Variants in DENND1A observed in about 807,000 individuals in gnomAD.
DENND1A encodes the protein DENN domain containing 1A, also known as DENN domain-containing protein 1A.
DENND1A carries 51 observed loss-of-function variants against 113.7 expected under a neutral mutation model. The observed-to-expected ratio is 0.45, with a 90% CI of 0.36 to 0.57. The LOEUF is 0.57. Ranked by LOEUF, DENND1A falls within the 20% of genes least tolerant of loss-of-function variation. The pLI is 0.00. For synonymous variants in DENND1A, 565 were observed against 570.8 expected, an observed-to-expected ratio of 0.99 and a Z score of 0.14; for missense variants, 1,258 against 1,395.9, an observed-to-expected ratio of 0.90 and a Z score of 1.57.
chr9:123,636,425 T>C (rs1010756574), intron 9 of DENND1A, among the ~76,000 whole-genome samples: 1 of 152,076 alleles, frequency 6.6e-6, no homozygotes, highest in Non-Finnish European at 1.5e-5. Flanking sequence ...CAAGTGATTC[T>C]CCTGCCTCAG....
At chr9:123,588,608 GA>G (rs1477163053) in intron 11 of DENND1A, among the ~76,000 whole-genome samples, 2 of 97,980 alleles carry the variant, frequency 2.0e-5, no homozygotes, top group African/African-American at 8.1e-5. Flanking sequence ...TGACAAGAGT[GA>G]AACTCCATCT....
intron 13 of DENND1A, among the ~76,000 whole-genome samples, chr9:123,524,928 C>G (rs1009533806): frequency 6.6e-6 from 1 of 152,176 alleles, no homozygotes; most frequent in Non-Finnish European, 1.5e-5. Flanking sequence ...TGTTTCACAC[C>G]TGGAAAGCTA....
At chr9:123,714,085 G>C (rs955630375) in intron 5 of DENND1A, among the ~76,000 whole-genome samples, 11 of 152,236 alleles carry the variant, frequency 7.2e-5, no homozygotes, top group African/African-American at 2.7e-4. Context: ...AATTGATTGA[G>C]TAAAGGAAAG....
chr9:123,576,350 A>T (rs560595193), intron 12 of DENND1A, among the ~76,000 whole-genome samples: 1 of 152,340 alleles, frequency 6.6e-6, no homozygotes, highest in South Asian at 2.1e-4. Flanking sequence ...TCTTACATGT[A>T]TCCATATATT....
rs2045411834 is a variant in DENND1A at position 123,422,823 on chromosome 9, T to C, written c.1489-10994A>G. 6.6e-6 allele frequency among the ~76,000 whole-genome samples: 1 copy of C among 152,188 alleles called. No homozygotes were observed. Among genetic ancestry groups the C allele is most frequent in the African/African-American group, 2.4e-5 (1 of 41,448 alleles). ...TGTGACATTTTTATTCATGGTGGCG[T>C]ACGCCCTTGTAATGATCAGCTCTGG... On this transcript the variant is annotated intron_variant, in intron 19 of 23. Coordinates refer to ENST00000394215, the MANE Select transcript of DENND1A (RefSeq NM_001352964.2). The surrounding 1 kb of genome is among the most constrained non-coding windows in gnomAD (Gnocchi z 4.8).
intron 5 of DENND1A, among the ~76,000 whole-genome samples, chr9:123,742,528 A>C (rs374501137): frequency 2.6e-5 from 4 of 152,318 alleles, no homozygotes; most frequent in African/African-American, 9.6e-5. Context: ...CTCACTTTGC[A>C]CCACAAGAGA....
intron 5 of DENND1A, among the ~76,000 whole-genome samples, chr9:123,731,216 T>G (rs1210937445): frequency 1.3e-5 from 2 of 152,098 alleles, no homozygotes; most frequent in Non-Finnish European, 2.9e-5. Flanking sequence ...GTAACAAACC[T>G]GCACGTTCTG....
At chr9:123,383,633 C>A in intron 23 of DENND1A, 22 bp downstream of exon 23, 3 of 1,603,396 alleles carry the variant, frequency 1.9e-6, no homozygotes, top group African/African-American at 1.3e-5. Context: ...CCGGCCGATA[C>A]CCTCCCTTGC....
At chr9:123,491,859 C>T (rs1038072349) in intron 13 of DENND1A, 3 of 152,250 alleles carry the variant, frequency 2.0e-5, no homozygotes, top group African/African-American at 4.8e-5. Context: ...TCCTCTGTAA[C>T]CCTAGACTTG....
chr9:123,427,757 T>C (rs1190663076), intron 19 of DENND1A, among the ~76,000 whole-genome samples: 1 of 152,226 alleles, frequency 6.6e-6, no homozygotes, highest in African/African-American at 2.4e-5. Flanking sequence ...CTTAGGTATA[T>C]GCTTCAGGTG....
At chr9:123,490,910 C>A (rs58465828) in intron 13 of DENND1A, among the ~76,000 whole-genome samples, 1 of 152,136 alleles carries the variant, frequency 6.6e-6, no homozygotes, top group Non-Finnish European at 1.5e-5. Flanking sequence ...GTACTGAATG[C>A]GACAAGGCTG....
In DENND1A at chr9:123,452,281, T is replaced by G; in HGVS notation, c.1294A>C (p.Lys432Gln). ...ACAGCAAGACCAGTACTTACGAACTTGTAGACAGTCTTCATGGCCGGATTT... is the reference window on the plus strand; with the variant it reads ...ACAGCAAGACCAGTACTTACGAACTGGTAGACAGTCTTCATGGCCGGATTT... ...KANPAMKTVY[K>Q]FAKDHAKMGI... Residue 432 changes from lysine (K) to glutamine (Q), a missense_variant, in exon 17 of 24, where the codon AAG becomes CAG. Transcript: ENST00000394215. 6.2e-7 allele frequency: 1 copy of G among 1,614,220 alleles called. No individual in the cohort carries two copies. Among genetic ancestry groups the G allele is most frequent in the Non-Finnish European group, 8.5e-7 (1 of 1,180,026 alleles).
intron 19 of DENND1A, among the ~76,000 whole-genome samples, chr9:123,418,718 C>T (rs1006661390): frequency 1.3e-5 from 2 of 152,226 alleles, no homozygotes; most frequent in African/African-American, 4.8e-5. Context: ...AGCCGCTGCA[C>T]ACTCACCAGC....
intron 13 of DENND1A, among the ~76,000 whole-genome samples, chr9:123,498,725 C>CT (rs11449926): frequency 0.14 from 19,985 of 140,172 alleles, 1,608 homozygotes; most frequent in African/African-American, 0.24. Context: ...CTCTCTCTCT[C>CT]TTTTTTTTTT....
At chr9:123,496,127 G>A (rs1412473426) in intron 13 of DENND1A, among the ~76,000 whole-genome samples, 1 of 152,200 alleles carries the variant, frequency 6.6e-6, no homozygotes, top group Non-Finnish European at 1.5e-5. Flanking sequence ...GCAAAGGATT[G>A]ATGTTCCTGT....
chr9:123,873,059 A>G (rs376343357), intron 2 of DENND1A, among the ~76,000 whole-genome samples: 1 of 152,236 alleles, frequency 6.6e-6, no homozygotes, highest in African/African-American at 2.4e-5. Context: ...ACAAAGACTA[A>G]TCTTAAAGCA....
chr9:123,656,921 T>A (rs946644007), intron 8 of DENND1A, among the ~76,000 whole-genome samples: 1 of 152,246 alleles, frequency 6.6e-6, no homozygotes. Flanking sequence ...TTCCTACTCA[T>A]GGAGTTTAAA....
Position 123,544,368 on chromosome 9 carries a change from T to C in DENND1A, c.993+13202A>G, listed in dbSNP as rs151079194. 9.2e-4 allele frequency among the ~76,000 whole-genome samples: 140 copies of C among 152,350 alleles called. 1 individual carries two copies. The highest frequency in any genetic ancestry group is 3.2e-3 in the African/African-American group (133 of 41,568). On this transcript the variant is annotated intron_variant, in intron 13 of 23. Transcript: ENST00000394215. ...AATTTTGACATTACCCCTTGCAAAA[T>C]AGTTTATAAAGGTTGTTAGTTTAAC...
At chr9:123,682,199 C>G (rs1190041261) in intron 5 of DENND1A, among the ~76,000 whole-genome samples, 1 of 152,188 alleles carries the variant, frequency 6.6e-6, no homozygotes, top group Non-Finnish European at 1.5e-5. Context: ...AAATAATGCT[C>G]TGGCTCTCCT....
Sources: gnomAD v4.1 joint callset for allele counts (sites outside exome capture counted in the v4.1 genomes callset) on GRCh38, gnomAD v4.1.1 for gene constraint, Gnocchi (gnomAD v3.1) non-coding constraint, MANE v1.5 for transcripts, NCBI Gene and HGNC (gene_info 2026-07-23, HGNC 2026-07-21) for gene names.